ABCA13: variants seen among roughly 807,000 people sequenced by gnomAD.
ABCA13 encodes the protein ATP-binding cassette sub-family A member 13.
In ABCA13, 476 loss-of-function variants were observed where a neutral mutation model predicts 478.7. The ratio of observed to expected loss-of-function variants is 0.99; its 90% CI spans 0.92 to 1.07. The LOEUF (loss-of-function observed/expected upper bound fraction) is 1.07, where lower values mean the gene tolerates loss of function less well. Among genes scored for constraint, ABCA13 ranks in the 50% least tolerant of loss-of-function variants. The pLI, the probability that ABCA13 is intolerant of heterozygous loss-of-function variation, is 0.00. For synonymous variants in ABCA13, 2,252 were observed against 2,158.9 expected (o/e 1.04, Z -1.20); for missense variants, 6,060 against 5,910.6 (o/e 1.03, Z -0.83).
chr7:48,216,132 A>G (rs1021804208), intron 3 of ABCA13, among the ~76,000 whole-genome samples: 1 of 152,188 alleles, frequency 6.6e-6, no homozygotes, highest in African/African-American at 2.4e-5. Context: ...GCTAGGTCAT[A>G]TGATAGCTCT....
In ABCA13 at chr7:48,274,918, C is replaced by G; in HGVS notation, c.5252C>G (p.Pro1751Arg). 6.2e-7 allele frequency: 1 copy of G among 1,613,902 alleles called. No individual in the cohort carries two copies. The highest frequency in any genetic ancestry group is 8.5e-7 in the Non-Finnish European group (1 of 1,179,828). The change falls in exon 17 of 62, where the codon CCT becomes CGT. Residue 1751 changes from proline (P) to arginine (R), a missense_variant. By Grantham distance (103) the Pro-to-Arg change is moderately radical (BLOSUM62 -2). This residue lies in a region of ABCA13 where 4,423 missense variants were observed against 4,309.1 expected (regional missense o/e 1.03). Transcript: ENST00000435803. ...GTGATAGATGTGTACTATGTGCTTC[C>G]TCATGCTGTAAGGCTCCTGCAGGGA... The part of the protein sequence containing the change: ...DAVIDVYYVL[P>R]HAVRLLQGVP...
chr7:48,228,235 C>T (rs1788528123), intron 6 of ABCA13, among the ~76,000 whole-genome samples: 2 of 152,186 alleles, frequency 1.3e-5, no homozygotes, highest in South Asian at 2.1e-4. Context: ...TTGGGGAGGT[C>T]CCCGTTCTGG....
intron 57 of ABCA13, among the ~76,000 whole-genome samples, chr7:48,587,858 A>G (rs11185608): frequency 0.13 from 19,348 of 152,270 alleles, 1,462 homozygotes; most frequent in African/African-American, 0.18. Context: ...ACAATTGTCA[A>G]GAAATGGAGT....
Position 48,466,955 on chromosome 7 carries a change from G to C in ABCA13, c.12816-1G>C. ...TTCCTTTGTCTCACAATGAACAGCA[G>C]CAGTGGGGGCGACAACTTGGACCTC... On this transcript the variant is annotated splice_acceptor_variant, in intron 43 of 61. Transcript: ENST00000435803. LOFTEE classifies it high-confidence loss of function. 1 of 1,613,888 alleles carries C rather than the reference G, an allele frequency of 6.2e-7. No homozygotes were observed. The highest frequency in any genetic ancestry group is 8.5e-7 in the Non-Finnish European group (1 of 1,179,832).
chr7:48,555,759 A>G (rs1164131094), intron 55 of ABCA13, among the ~76,000 whole-genome samples: 1 of 151,640 alleles, frequency 6.6e-6, no homozygotes, highest in Non-Finnish European at 1.5e-5. Context: ...TTTTCAAAAA[A>G]CAAATTTTTA....
chr7:48,489,331 C>T lies in ABCA13; in HGVS notation c.13278C>T (p.Asp4426=), dbSNP rs759851947. Residue 4426 remains aspartate (D), a synonymous_variant, in exon 48 of 62, where the codon GAC becomes GAT. Coordinates refer to ENST00000435803, the MANE Select transcript of ABCA13 (RefSeq NM_152701.5). ...GGCAGCACCTACCCCCTACTGTGGA[C>T]TGGAGACAATACGGTAATGTTATTT... is the stretch of plus-strand genomic sequence containing the variant. ...ILWQHLPPTV[D]WRQYGITLYS... The T allele has an allele frequency of 6.2e-6, 10 of 1,602,954 alleles. No homozygotes were observed. Among genetic ancestry groups the T allele is most frequent in the Non-Finnish European group, 8.5e-6 (10 of 1,170,948 alleles).
intron 41 of ABCA13, among the ~76,000 whole-genome samples, chr7:48,417,612 G>A (rs1245261187): frequency 6.6e-6 from 1 of 152,006 alleles, no homozygotes; most frequent in Non-Finnish European, 1.5e-5. Context: ...TGCCTCCCTT[G>A]CCCCCAGCCT....
intron 35 of ABCA13, among the ~76,000 whole-genome samples, chr7:48,384,507 AT>A (rs1814872036): frequency 1.3e-5 from 2 of 152,126 alleles, no homozygotes; most frequent in South Asian, 4.1e-4. Context: ...AGAGGTGATA[AT>A]TTTACCTGAC....
chr7:48,226,657 T>C (rs142922521), intron 5 of ABCA13, among the ~76,000 whole-genome samples: 3,110 of 152,128 alleles, frequency 0.02, 58 homozygotes, highest in South Asian at 0.058. Context: ...AGCATTGGGG[T>C]GTTTTTCCAC....
chr7:48,205,825 T>G (rs1333357065), intron 3 of ABCA13, among the ~76,000 whole-genome samples: 2 of 152,244 alleles, frequency 1.3e-5, no homozygotes, highest in African/African-American at 4.8e-5. Context: ...AAAGTTACAC[T>G]ATGTTACTTA....
intron 58 of ABCA13, among the ~76,000 whole-genome samples, chr7:48,607,080 C>G (rs1015107310): frequency 5.9e-5 from 9 of 152,182 alleles, no homozygotes; most frequent in African/African-American, 2.2e-4. Context: ...ATCCCAGGTC[C>G]ACCTCAGACT....
At position 48,471,614 on chromosome 7, in the gene ABCA13, C is replaced by A; in HGVS notation, c.12975+15C>A. 6.4e-7 allele frequency: 1 copy of A among 1,550,692 alleles called. No homozygotes were observed. The highest frequency in any genetic ancestry group is 8.7e-7 in the Non-Finnish European group (1 of 1,146,122). On this transcript the variant is annotated intron_variant, in intron 45 of 61. Coordinates refer to ENST00000435803, the MANE Select transcript of ABCA13 (RefSeq NM_152701.5). ...GTGGCTGCCTGGTAGGTTTCTGCAG[C>A]ATTTTTGATCTTTTTAAGTCTAAAA... is the stretch of plus-strand genomic sequence containing the variant.
intron 3 of ABCA13, among the ~76,000 whole-genome samples, chr7:48,213,957 C>T (rs757139898): frequency 4.6e-5 from 7 of 152,218 alleles, no homozygotes; most frequent in Admixed American, 1.3e-4. Context: ...TCTGCAGTTA[C>T]TTTCTCCACT....
At chr7:48,252,722 G>T (rs927274562) in intron 15 of ABCA13, among the ~76,000 whole-genome samples, 1 of 152,036 alleles carries the variant, frequency 6.6e-6, no homozygotes, top group African/African-American at 2.4e-5. Context: ...GTTTTTCACT[G>T]TGTTTTCTTT....
At chr7:48,526,716 A>G (rs1235678239) in intron 54 of ABCA13, among the ~76,000 whole-genome samples, 1 of 152,208 alleles carries the variant, frequency 6.6e-6, no homozygotes, top group African/African-American at 2.4e-5. Context: ...GTATCTAAAC[A>G]TAGACAAGGT....
At chr7:48,486,213 G>A (rs1254372113) in intron 47 of ABCA13, among the ~76,000 whole-genome samples, 4 of 152,126 alleles carry the variant, frequency 2.6e-5, no homozygotes, top group African/African-American at 9.7e-5. Flanking sequence ...GTTCCTAAAA[G>A]CCCTGTGTCT....
At chr7:48,473,035 G>T (rs1827682292) in intron 45 of ABCA13, among the ~76,000 whole-genome samples, 2 of 152,174 alleles carry the variant, frequency 1.3e-5, no homozygotes, top group South Asian at 4.1e-4. Flanking sequence ...GCAGCAGCAA[G>T]AGAGAGAATG....
At chr7:48,586,296 T>C (rs1005075815) in intron 56 of ABCA13, among the ~76,000 whole-genome samples, 6 of 152,200 alleles carry the variant, frequency 3.9e-5, no homozygotes, top group Non-Finnish European at 5.9e-5. Flanking sequence ...CATCTCTAGT[T>C]ACTTTATAAA....
intron 38 of ABCA13, among the ~76,000 whole-genome samples, chr7:48,394,777 T>G (rs920583179): frequency 1.3e-5 from 2 of 152,192 alleles, no homozygotes; most frequent in Non-Finnish European, 1.5e-5. Flanking sequence ...TGTGAGATTT[T>G]GGTGCACCCA....
Sources: allele counts gnomAD v4.1 joint callset (sites outside exome capture counted in the v4.1 genomes callset), GRCh38; gene constraint gnomAD v4.1.1; regional missense constraint gnomAD v4.1.1; transcripts MANE v1.5; gene names NCBI Gene and HGNC (gene_info 2026-07-23, HGNC 2026-07-21).